PLCB3: variants seen among roughly 807,000 people sequenced by gnomAD.
The protein encoded by PLCB3 is phospholipase C beta 3.
In PLCB3, 54 loss-of-function variants were observed where a neutral mutation model predicts 152.1. That is an observed-to-expected ratio of 0.36 (90% CI 0.29 to 0.45). The LOEUF is 0.45. Ranked by LOEUF, PLCB3 falls within the 20% of genes least tolerant of loss-of-function variation. PLCB3 has a pLI of 1.00. For synonymous variants in PLCB3, 717 were observed against 698.7 expected (o/e 1.03, Z -0.41); for missense variants, 1,248 against 1,687.5 (o/e 0.74, Z 4.56).
chr11:64,264,804 G>T, intron 22 of PLCB3, 147 bp from the exon 23 acceptor site: 1 of 697,830 alleles, frequency 1.4e-6, no homozygotes, highest in Non-Finnish European at 2.6e-6. Flanking sequence ...TTCTCATGCA[G>T]ACAGCCTCCT....
At chr11:64,261,314 G>A in intron 14 of PLCB3, 86 bp from the exon 15 acceptor site, 1 of 964,540 alleles carries the variant, frequency 1.0e-6, no homozygotes, top group Non-Finnish European at 1.7e-6. Context: ...TGGGAAGAGG[G>A]TCAGCACCTC....
Position 64,258,399 on chromosome 11 carries a change from G to C in PLCB3, c.1013-74G>C. On this transcript the variant is annotated intron_variant, in intron 10 of 30. Transcript: ENST00000279230. This position sits in a 1 kb window ranked among gnomAD's most constrained non-coding sequence, Gnocchi z 7.2. Reference sequence around the variant, plus strand: ...GCCCTCTGCAAATCCAGCATGTCCTGGTTCCAGGTGGGGCCGGGGTGGTGA... The same window carrying C: ...GCCCTCTGCAAATCCAGCATGTCCTCGTTCCAGGTGGGGCCGGGGTGGTGA... 4 of 1,539,692 alleles carry C rather than the reference G, an allele frequency of 2.6e-6. No homozygotes were observed. The highest frequency in any genetic ancestry group is 3.5e-6 in the Non-Finnish European group (4 of 1,140,458).
At position 64,264,495 on chromosome 11, in the gene PLCB3, C is replaced by T. The variant is rs532569010; in HGVS notation, c.2652+383C>T. ...GATCCAGTCCCCCCAGGGCCTGCGG[C>T]AGGCGGGCGGGGAGAGATGACTGCA... On this transcript the variant is annotated intron_variant, in intron 22 of 30. Coordinates refer to ENST00000279230, the MANE Select transcript of PLCB3 (RefSeq NM_000932.5). 1.3e-3 allele frequency among the ~76,000 whole-genome samples: 203 copies of T among 152,270 alleles called. 1 individual carries two copies. The highest frequency in any genetic ancestry group is 4.6e-3 in the African/African-American group (191 of 41,564).
chr11:64,263,644 GC>G, intron 20 of PLCB3, 46 bp from the exon 21 acceptor site: 1 of 1,603,798 alleles, frequency 6.2e-7, no homozygotes, highest in South Asian at 1.1e-5. Context: ...AGTGGGTAGG[GC>G]CCCCACCTGG....
In PLCB3 at chr11:64,251,730, G is replaced by C; in HGVS notation, c.81G>C (p.Lys27Asn). Reference sequence around the variant, plus strand: ...TGGAGACCCTGCGGCGCGGGAGTAAGTTCATCAAATGGGACGAGGTAAGCG... The same window carrying C: ...TGGAGACCCTGCGGCGCGGGAGTAACTTCATCAAATGGGACGAGGTAAGCG... ...TVVETLRRGS[K>N]FIKWDEETSS... Residue 27 changes from lysine (K) to asparagine (N), a missense_variant, in exon 1 of 31, where the codon AAG becomes AAC. Transcript: ENST00000279230. 1 of 1,473,926 alleles carries C rather than the reference G, an allele frequency of 6.8e-7. No individual in the cohort carries two copies. The highest frequency in any genetic ancestry group is 9.0e-7 in the Non-Finnish European group (1 of 1,108,598). The allele number at this position is 1,473,926 out of a possible 1,614,324, so 91.3% of individuals were successfully genotyped here. A position where few individuals can be genotyped will look rare whatever the true frequency, so the allele number is the denominator to read the frequency against.
chr11:64,266,176 C>T lies in PLCB3; in HGVS notation c.3240C>T (p.Phe1080=). The stretch of plus-strand genomic sequence containing the variant: ...TCCTTGATGCAAACACAACTCAGTT[C>T]AAGAGGCTGAAAGAGATGAACGAGA... ...EVVLDANTTQ[F]KRLKEMNERE... is the part of the protein sequence containing the mutation. The change falls in exon 27 of 31, where the codon TTC becomes TTT. Residue 1080 remains phenylalanine (F), a synonymous_variant. Coordinates refer to ENST00000279230, the MANE Select transcript of PLCB3 (RefSeq NM_000932.5). This position sits in a 1 kb window ranked among gnomAD's most constrained non-coding sequence, Gnocchi z 4.9. 6.2e-7 allele frequency: 1 copy of T among 1,614,096 alleles called. No individual in the cohort carries two copies. The highest frequency in any genetic ancestry group is 1.1e-5 in the South Asian group (1 of 91,052).
In PLCB3 at chr11:64,255,711, C is replaced by T. The variant is rs76565747; in HGVS notation, c.598-10C>T. 1,792 of 1,612,352 alleles carry T rather than the reference C, an allele frequency of 1.1e-3. 16 individuals carry two copies. In the African/African-American group the frequency reaches 0.02, roughly 18 times the overall value. ...CCCTGGCTTCTCACCCCACACTCCT[C>T]GACCTCCAGAGTGAGTCCATCCGGC... On this transcript the variant is annotated splice_polypyrimidine_tract_variant and intron_variant, in intron 7 of 30. Coordinates refer to ENST00000279230, the MANE Select transcript of PLCB3 (RefSeq NM_000932.5). The surrounding 1 kb of genome is among the most constrained non-coding windows in gnomAD (Gnocchi z 6.8).
rs2032085155 is a variant in PLCB3 at position 64,265,776 on chromosome 11, C to T, written c.3036-110C>T. 2.1e-6 allele frequency: 3 copies of T among 1,407,556 alleles called. No individual in the cohort carries two copies. In the Admixed American group the frequency reaches 6.6e-5, roughly 31 times the overall value. The allele number at this position is 1,407,556 out of a possible 1,614,324, so 87.2% of individuals were successfully genotyped here. A position where few individuals can be genotyped will look rare whatever the true frequency, so the allele number is the denominator to read the frequency against. Reference sequence around the variant, plus strand: ...CCTGGTTTGCATAACAGACCTGGCCCCATGGGATGGTGTCTGCCATCGCTT... The same window carrying T: ...CCTGGTTTGCATAACAGACCTGGCCTCATGGGATGGTGTCTGCCATCGCTT... On this transcript the variant is annotated intron_variant, in intron 25 of 30. Transcript: ENST00000279230.
downstream of PLCB3, among the ~76,000 whole-genome samples, chr11:64,268,209 C>CT (rs2032231137): frequency 6.6e-6 from 1 of 152,204 alleles, no homozygotes; most frequent in South Asian, 2.1e-4. Context: ...TTCAGGAAGC[C>CT]TTCCCTGCCC....
At chr11:64,259,372 C>T in intron 13 of PLCB3, 128 bp downstream of exon 13, 2 of 798,284 alleles carry the variant, frequency 2.5e-6, no homozygotes, top group South Asian at 3.8e-5. Flanking sequence ...GTTCCCACAA[C>T]CGGCCTGTCT....
rs1001031510 is a variant in PLCB3 at position 64,264,013 on chromosome 11, C to A, written c.2561-8C>A. On this transcript the variant is annotated splice_polypyrimidine_tract_variant and splice_region_variant and intron_variant, in intron 21 of 30. Transcript: ENST00000279230. The stretch of plus-strand genomic sequence containing the variant: ...TCTCTGAGACCTTGGCCTTCTGCCT[C>A]CCCCCAGACTATGCGGAGGCCCTGA... 2 of 1,566,134 alleles carry A rather than the reference C, an allele frequency of 1.3e-6. No individual in the cohort carries two copies.
At chr11:64,265,593 C>T in intron 25 of PLCB3, 91 bp downstream of exon 25, 1 of 1,475,420 alleles carries the variant, frequency 6.8e-7, no homozygotes, top group Non-Finnish European at 9.0e-7. Flanking sequence ...GCAAGAGCTG[C>T]TCCTTGACCC....
chr11:64,259,114 G>A lies in PLCB3; in HGVS notation c.1395G>A (p.Val465=), dbSNP rs1316609351. ...SPQDLMGRIL[V]KNKKRHRPSA... Reference sequence around the variant, plus strand: ...AGGACCTGATGGGCCGTATCCTGGTGAAGAACAAGAAGCGGCACCGACCCA... The same window carrying A: ...AGGACCTGATGGGCCGTATCCTGGTAAAGAACAAGAAGCGGCACCGACCCA... Residue 465 remains valine (V), a synonymous_variant, in exon 13 of 31, where the codon GTG becomes GTA. Transcript: ENST00000279230. The A allele has an allele frequency of 1.2e-6, 2 of 1,612,320 alleles. No individual in the cohort carries two copies. Among genetic ancestry groups the A allele is most frequent in the Non-Finnish European group, 1.7e-6 (2 of 1,179,524 alleles).
chr11:64,266,701 T>C lies in PLCB3; in HGVS notation c.3414+149T>C, dbSNP rs1457291890. The stretch of plus-strand genomic sequence containing the variant: ...CAACAGCCCCAGGGTACCCACATCA[T>C]ACCCAAAGCCAACTGTCTGTACCAG... On this transcript the variant is annotated intron_variant, in intron 29 of 30. Transcript: ENST00000279230. This position sits in a 1 kb window ranked among gnomAD's most constrained non-coding sequence, Gnocchi z 4.9. 3 of 734,714 alleles carry C rather than the reference T, an allele frequency of 4.1e-6. No individual in the cohort carries two copies. Among genetic ancestry groups the C allele is most frequent in the Admixed American group, 4.3e-5 (2 of 46,196 alleles). 45.5% of individuals were successfully genotyped at this position (734,714 alleles called of 1,614,324 possible). A position where few individuals can be genotyped will look rare whatever the true frequency, so the allele number is the denominator to read the frequency against.
chr11:64,267,824 AGAGCTGGCTGGAGACTTG>A lies in PLCB3; in HGVS notation c.*274_*291del. The A allele has an allele frequency of 2.3e-6, 1 of 433,834 alleles. No individual in the cohort carries two copies. Among genetic ancestry groups the A allele is most frequent in the Non-Finnish European group, 4.1e-6 (1 of 244,774 alleles). 26.9% of individuals were successfully genotyped at this position (433,834 alleles called of 1,614,324 possible). A position where few individuals can be genotyped will look rare whatever the true frequency, so the allele number is the denominator to read the frequency against. On this transcript the variant is annotated 3_prime_UTR_variant, in exon 31 of 31. Transcript: ENST00000279230. The surrounding 1 kb of genome is among the most constrained non-coding windows in gnomAD (Gnocchi z 5.2). ...AGCAGCGTCTCCTCCCTTCCCCGGG[AGAGCTGGCTGGAGACTTG>A]GAGCTCCGGGAAGTAGGAGTCACAT...
chr11:64,265,886 AG>A lies in PLCB3; in HGVS notation c.3038del (p.Gly1013ValfsTer49), dbSNP rs1302316597. 1 of 1,612,248 alleles carries A rather than the reference AG, an allele frequency of 6.2e-7. No homozygotes were observed. The highest frequency in any genetic ancestry group is 1.3e-5 in the African/African-American group (1 of 74,996). ...TCACCCAGAGGGGTTCTCCTCGCAG[AG>A]GTGGGGCCGCTGATGTGGAGGACAC... is the stretch of plus-strand genomic sequence containing the variant. ...GRCRLRPGAL[G>X]GAADVEDTKE... On this transcript the variant is annotated frameshift_variant and splice_region_variant, in exon 26 of 31. Transcript: ENST00000279230. LOFTEE classifies it high-confidence loss of function.
In PLCB3 at chr11:64,267,612, G is replaced by C; in HGVS notation, c.*56G>C. On this transcript the variant is annotated 3_prime_UTR_variant, in exon 31 of 31. Coordinates refer to ENST00000279230, the MANE Select transcript of PLCB3 (RefSeq NM_000932.5). This position sits in a 1 kb window ranked among gnomAD's most constrained non-coding sequence, Gnocchi z 5.2. ...GGCGGGCGCTGGGTGGAGGGCAGGA[G>C]GCAATGACACTAATGCTTTTTTTTT... is the stretch of plus-strand genomic sequence containing the variant. 1 of 1,231,198 alleles carries C rather than the reference G, an allele frequency of 8.1e-7. No homozygotes were observed. The allele number at this position is 1,231,198 out of a possible 1,614,324, so 76.3% of individuals were successfully genotyped here.
chr11:64,266,658 G>A lies in PLCB3; in HGVS notation c.3414+106G>A, dbSNP rs1320459154. On this transcript the variant is annotated intron_variant, in intron 29 of 30. Transcript: ENST00000279230. The surrounding 1 kb of genome is among the most constrained non-coding windows in gnomAD (Gnocchi z 4.9). ...CCACGTTGCCCTCAAGGTTCTTCTA[G>A]GGCCTTTCTCAAGTGCCCAACAGCC... 14 of 1,119,532 alleles carry A rather than the reference G, an allele frequency of 1.3e-5. No homozygotes were observed. The highest frequency in any genetic ancestry group is 3.9e-4 in the Middle Eastern group (2 of 5,184). The allele number at this position is 1,119,532 out of a possible 1,614,324, so 69.3% of individuals were successfully genotyped here. A position where few individuals can be genotyped will look rare whatever the true frequency, so the allele number is the denominator to read the frequency against.
downstream of PLCB3, chr11:64,268,566 C>G (rs2032256764): frequency 6.6e-6 from 1 of 152,348 alleles, no homozygotes; most frequent in Admixed American, 6.5e-5. Flanking sequence ...TCAAGACGTC[C>G]TGACCTGGAG....
Sources: gnomAD v4.1 joint callset for allele counts (sites outside exome capture counted in the v4.1 genomes callset) on GRCh38, gnomAD v4.1.1 for gene constraint, Gnocchi (gnomAD v3.1) non-coding constraint, MANE v1.5 for transcripts, NCBI Gene and HGNC (gene_info 2026-07-23, HGNC 2026-07-21) for gene names.